The following FBXW10B variants were observed in gnomAD, a reference collection of about 807,000 sequenced individuals.
The protein encoded by FBXW10B is F-box and WD repeat domain containing 10B, also known as F-box and WD repeat domain containing protein 10B.
At chr17:15,586,821 G>T in the FBXW10B span, among the ~76,000 whole-genome samples, 2 of 151,692 alleles carry the variant, frequency 1.3e-5, no homozygotes, top group Admixed American at 1.3e-4. Context: ...AGTAGAGATA[G>T]AAGGGATAGA....
chr17:15,596,999 C>T, the FBXW10B span, among the ~76,000 whole-genome samples: 1 of 150,760 alleles, frequency 6.6e-6, no homozygotes, highest in Non-Finnish European at 1.5e-5. Flanking sequence ...TGCTTGCTAT[C>T]GAGTAGATTT....
At chr17:15,588,947 T>C in the FBXW10B span, 1 of 1,613,774 alleles carries the variant, frequency 6.2e-7, no homozygotes, top group Non-Finnish European at 8.5e-7. Context: ...GCCCTGGGGC[T>C]CTTCAACATT....
At chr17:15,575,993 G>A in the FBXW10B span, among the ~76,000 whole-genome samples, 1 of 152,126 alleles carries the variant, frequency 6.6e-6, no homozygotes, top group South Asian at 2.1e-4. Context: ...TAAAGCCAAA[G>A]AGATTCTTAA....
the FBXW10B span, among the ~76,000 whole-genome samples, chr17:15,569,467 T>TTA: frequency 4.5e-4 from 60 of 134,206 alleles, 1 homozygote; most frequent in Non-Finnish European, 8.8e-4. Context: ...TTTTTTTTTT[T>TTA]TTTTTTTTTT....
chr17:15,590,966 C>A, the FBXW10B span, among the ~76,000 whole-genome samples: 9 of 152,208 alleles, frequency 5.9e-5, no homozygotes, highest in Middle Eastern at 0.01. Context: ...AGAGTCAGGG[C>A]CAAGTATTAC....
chr17:15,592,559 A>T, the FBXW10B span, among the ~76,000 whole-genome samples: 2 of 152,134 alleles, frequency 1.3e-5, no homozygotes, highest in Non-Finnish European at 2.9e-5. Flanking sequence ...CAATGCAGTC[A>T]GTCATGGTAC....
the FBXW10B span, among the ~76,000 whole-genome samples, chr17:15,598,185 T>C: frequency 6.6e-6 from 1 of 152,148 alleles, no homozygotes; most frequent in African/African-American, 2.4e-5. Flanking sequence ...CATGGACTTA[T>C]TATATTCCCC....
chr17:15,565,751 C>G, the FBXW10B span: 3 of 1,613,924 alleles, frequency 1.9e-6, no homozygotes, highest in South Asian at 3.3e-5. Flanking sequence ...TCAGCGTTCA[C>G]TCTAAAAGGA....
At chr17:15,600,334 C>T in the FBXW10B span, among the ~76,000 whole-genome samples, 153 of 147,768 alleles carry the variant, frequency 1.0e-3, 2 homozygotes, top group Admixed American at 1.7e-3. Context: ...CTAATATTCC[C>T]AAGGGTTTTG....
the FBXW10B span, among the ~76,000 whole-genome samples, chr17:15,594,024 G>A: frequency 6.6e-6 from 1 of 152,022 alleles, no homozygotes; most frequent in East Asian, 1.9e-4. Flanking sequence ...TTAGGTCACA[G>A]GGCCACAAGA....
the FBXW10B span, among the ~76,000 whole-genome samples, chr17:15,567,000 G>A: frequency 3.3e-5 from 5 of 151,592 alleles, no homozygotes; most frequent in South Asian, 2.1e-4. Flanking sequence ...GGCCGGGCGC[G>A]GTGGCTCACG....
At chr17:15,590,896 C>T in the FBXW10B span, among the ~76,000 whole-genome samples, 1 of 152,220 alleles carries the variant, frequency 6.6e-6, no homozygotes, top group Non-Finnish European at 1.5e-5. Flanking sequence ...TATTCAACTT[C>T]CTCAAACCTG....
chr17:15,609,852 CTTTTT>C, the FBXW10B span, among the ~76,000 whole-genome samples: 68 of 103,186 alleles, frequency 6.6e-4, no homozygotes, highest in South Asian at 1.4e-3. Flanking sequence ...TTCTTTCTTT[CTTTTT>C]TTTTTTTTTT....
At chr17:15,578,752 C>T in the FBXW10B span, among the ~76,000 whole-genome samples, 1 of 152,064 alleles carries the variant, frequency 6.6e-6, no homozygotes, top group Admixed American at 6.6e-5. Context: ...CTTAAAAATT[C>T]CTAAGTCTTT....
At chr17:15,601,678 C>T in the FBXW10B span, among the ~76,000 whole-genome samples, 1 of 152,278 alleles carries the variant, frequency 6.6e-6, no homozygotes, top group South Asian at 2.1e-4. Context: ...AGAAAGAACA[C>T]AGATGATCTA....
chr17:15,607,629 T>A, the FBXW10B span: 2 of 1,613,680 alleles, frequency 1.2e-6, no homozygotes, highest in Non-Finnish European at 1.7e-6. Flanking sequence ...CTCTCCTCCA[T>A]CAGGACCTGC....
the FBXW10B span, chr17:15,588,627 C>T: frequency 7.7e-6 from 4 of 518,346 alleles, no homozygotes; most frequent in Non-Finnish European, 1.4e-5. Flanking sequence ...AACCACTTTA[C>T]TCTTAGCTAG....
the FBXW10B span, among the ~76,000 whole-genome samples, chr17:15,618,339 A>G: frequency 6.6e-6 from 1 of 152,024 alleles, no homozygotes; most frequent in Admixed American, 6.6e-5. Flanking sequence ...AAAAAAAGAA[A>G]AGGAATACAG....
the FBXW10B span, among the ~76,000 whole-genome samples, chr17:15,570,064 A>G: frequency 0.012 from 1,887 of 152,316 alleles, 53 homozygotes; most frequent in African/African-American, 0.044. Context: ...AATTCTTGCT[A>G]TCGTGGAGCT....
Sources: gnomAD v4.1 joint callset for allele counts (sites outside exome capture counted in the v4.1 genomes callset) on GRCh38, gnomAD v4.1.1 for gene constraint, MANE v1.5 for transcripts, NCBI Gene and HGNC (gene_info 2026-07-23, HGNC 2026-07-21) for gene names.